Variants in LINGO1 observed in about 807,000 individuals in gnomAD.
LINGO1 encodes leucine-rich repeat and immunoglobulin-like domain-containing nogo receptor-interacting protein 1.
In LINGO1, 11 loss-of-function variants were observed where a neutral mutation model predicts 37.3. The ratio of observed to expected loss-of-function variants is 0.29; its 90% CI spans 0.19 to 0.49. LINGO1 has a LOEUF of 0.49. Among genes scored for constraint, LINGO1 ranks in the 20% least tolerant of loss-of-function variants. The pLI is 0.99. For synonymous variants in LINGO1, 387 were observed against 403.0 expected, an observed-to-expected ratio of 0.96 and a Z score of 0.48; for missense variants, 585 against 878.2, an observed-to-expected ratio of 0.67 and a Z score of 4.22.
At chr15:77,667,400 T>A (rs1183086148) in intron 3 of LINGO1, among the ~76,000 whole-genome samples, 2 of 152,100 alleles carry the variant, frequency 1.3e-5, no homozygotes, top group Non-Finnish European at 2.9e-5. Flanking sequence ...GGCCAAGCCA[T>A]CCTAGCAGAA....
chr15:77,633,359 C>A (rs560433482), upstream of LINGO1, among the ~76,000 whole-genome samples: 6 of 151,388 alleles, frequency 4.0e-5, no homozygotes, highest in South Asian at 2.1e-4. Context: ...GACGAACACA[C>A]GCACGAGGAC....
upstream of LINGO1, among the ~76,000 whole-genome samples, chr15:77,633,401 T>C (rs935553255): frequency 2.6e-5 from 4 of 152,210 alleles, no homozygotes; most frequent in Admixed American, 6.5e-5. Flanking sequence ...CAGGGTTGTT[T>C]GGAGGGCGGC....
intron 1 of LINGO1, among the ~76,000 whole-genome samples, chr15:77,782,958 C>T (rs1485419945): frequency 1.3e-5 from 2 of 152,122 alleles, no homozygotes; most frequent in Non-Finnish European, 2.9e-5. Context: ...CCCCTGTCCC[C>T]GCTCTCTCCC....
chr15:77,646,643 T>G, intron 3 of LINGO1: 1 of 295,522 alleles, frequency 3.4e-6, no homozygotes, highest in South Asian at 2.9e-5. Context: ...CCTTTTCCCC[T>G]GCCAGGGTCT....
intron 1 of LINGO1, among the ~76,000 whole-genome samples, chr15:77,738,915 A>T (rs919187745): frequency 6.6e-6 from 1 of 152,278 alleles, no homozygotes; most frequent in African/African-American, 2.4e-5. Context: ...AGCAGGCAGG[A>T]GCCAGAGGGC....
chr15:77,740,391 G>A (rs1423324917), intron 1 of LINGO1, among the ~76,000 whole-genome samples: 3 of 152,172 alleles, frequency 2.0e-5, no homozygotes, highest in Non-Finnish European at 2.9e-5. Context: ...CTAGCCTGAT[G>A]TCTGCCCCCA....
chr15:77,616,863 T>C (rs1392647613), intron 1 of LINGO1, among the ~76,000 whole-genome samples: 1 of 152,224 alleles, frequency 6.6e-6, no homozygotes, highest in African/African-American at 2.4e-5. Context: ...AGAAGTGTTT[T>C]CTGTTACCCA....
At chr15:77,713,731 C>T (rs545031237) in intron 2 of LINGO1, among the ~76,000 whole-genome samples, 7 of 152,106 alleles carry the variant, frequency 4.6e-5, no homozygotes, top group Non-Finnish European at 8.8e-5. Context: ...TGGAGTTATG[C>T]GAGGCTGGGT....
upstream of LINGO1, among the ~76,000 whole-genome samples, chr15:77,787,574 TG>T (rs1441790407): frequency 2.5e-5 from 2 of 79,334 alleles, no homozygotes; most frequent in Admixed American, 2.8e-4. Flanking sequence ...CTGTGGGGGG[TG>T]GGGGTGGGAA....
Position 77,717,043 on chromosome 15 carries a change from G to A in LINGO1, c.-195+17949C>T, listed in dbSNP as rs536872335. On this transcript the variant is annotated intron_variant, in intron 2 of 3. Coordinates refer to the LINGO1 transcript ENST00000561686. ...AGAGGAGAGAGACCCAGGAGGAGAG[G>A]AGATGAGGAGGAGGGGAAGCCTGAG... is the stretch of plus-strand genomic sequence containing the variant. 3.4e-5 allele frequency among the ~76,000 whole-genome samples: 5 copies of A among 146,626 alleles called. No individual in the cohort carries two copies. The South Asian group carries it at 1.1e-3, about 33-fold the overall frequency.
chr15:77,654,324 C>G (rs976055639), intron 3 of LINGO1, among the ~76,000 whole-genome samples: 1 of 152,180 alleles, frequency 6.6e-6, no homozygotes, highest in Non-Finnish European at 1.5e-5. Flanking sequence ...CCACTATTTT[C>G]TGGATGACAA....
intron 2 of LINGO1, among the ~76,000 whole-genome samples, chr15:77,715,713 T>A (rs766776494): frequency 5.2e-4 from 79 of 152,314 alleles, no homozygotes; most frequent in Non-Finnish European, 8.4e-4. Flanking sequence ...CATTTCCTAC[T>A]TCCTCCTCAT....
rs142344696 is a variant in LINGO1 at position 77,746,944 on chromosome 15, C to G, written c.-256-11891G>C. 2.7e-4 allele frequency among the ~76,000 whole-genome samples: 41 copies of G among 152,232 alleles called. No individual in the cohort carries two copies. In the East Asian group the frequency reaches 7.0e-3, roughly 26 times the overall value. Reference sequence around the variant, plus strand: ...GATTAGCTGGCCCAGACCAAAACCCCCATTGGACAGATGGGAAAATCTAGG... The same window carrying G: ...GATTAGCTGGCCCAGACCAAAACCCGCATTGGACAGATGGGAAAATCTAGG... On this transcript the variant is annotated intron_variant, in intron 1 of 3. Coordinates refer to the LINGO1 transcript ENST00000561686.
At chr15:77,756,434 T>C (rs141398075) in intron 1 of LINGO1, among the ~76,000 whole-genome samples, 2,184 of 151,920 alleles carry the variant, frequency 0.014, 24 homozygotes, top group Non-Finnish European at 0.019. Context: ...CACTCACAAA[T>C]GTGTTTATAC....
intron 2 of LINGO1, among the ~76,000 whole-genome samples, chr15:77,729,084 C>T (rs2076130378): frequency 6.6e-6 from 1 of 152,210 alleles, no homozygotes; most frequent in East Asian, 1.9e-4. Context: ...CTTATGGCAC[C>T]CACACCCACC....
At chr15:77,656,309 C>T (rs1480870513) in intron 3 of LINGO1, among the ~76,000 whole-genome samples, 1 of 152,146 alleles carries the variant, frequency 6.6e-6, no homozygotes, top group Non-Finnish European at 1.5e-5. Context: ...TCCCTCCTGG[C>T]TGCCTCTGAC....
In LINGO1 at chr15:77,632,268, GGGGCTGCCCGCTC is replaced by G; in HGVS notation, c.6+29_6+41del. On this transcript the variant is annotated intron_variant, in intron 1 of 1. Transcript: ENST00000355300. This position sits in a 1 kb window ranked among gnomAD's most constrained non-coding sequence, Gnocchi z 6.0. ...GGCGGCCCCCAGGGGCACTCGCCGCGGGGCTGCCCGCTCGGGGCTCGGCCGCGGCCGCCTGGCT... is the reference window on the plus strand; with the variant it reads ...GGCGGCCCCCAGGGGCACTCGCCGCGGGGGCTCGGCCGCGGCCGCCTGGCT... 7.3e-7 allele frequency: 1 copy of G among 1,375,074 alleles called. No individual in the cohort carries two copies. Among genetic ancestry groups the G allele is most frequent in the Non-Finnish European group, 9.4e-7 (1 of 1,068,776 alleles). The allele number at this position is 1,375,074 out of a possible 1,614,324, so 85.2% of individuals were successfully genotyped here.
chr15:77,691,735 CA>C (rs1257910439), intron 1 of LINGO1, among the ~76,000 whole-genome samples: 11 of 152,100 alleles, frequency 7.2e-5, no homozygotes, highest in African/African-American at 2.7e-4. Flanking sequence ...GATGACGGAG[CA>C]ATTCACGGCA....
At chr15:77,634,316 T>G, upstream of LINGO1, 1 of 456,094 alleles carries the variant, frequency 2.2e-6, no homozygotes, top group South Asian at 1.5e-5. Context: ...CTTCTCAGTC[T>G]CTCTGGCACA....
Sources: gnomAD v4.1 joint callset for allele counts (sites outside exome capture counted in the v4.1 genomes callset) on GRCh38, gnomAD v4.1.1 for gene constraint, Gnocchi (gnomAD v3.1) non-coding constraint, MANE v1.5 for transcripts, NCBI Gene and HGNC (gene_info 2026-07-23, HGNC 2026-07-21) for gene names.